PYCR2: variants seen among roughly 807,000 people sequenced by gnomAD.
PYCR2 encodes the protein P5C reductase 2.
Under a neutral mutation model 23.4 loss-of-function variants are expected in PYCR2, and 17 were observed. The observed-to-expected ratio is 0.73, with a 90% CI of 0.50 to 1.09. The LOEUF is 1.09. Ranked by LOEUF, PYCR2 falls within the 50% of genes least tolerant of loss-of-function variation. The pLI, the probability that PYCR2 is intolerant of heterozygous loss-of-function variation, is 0.00. For synonymous variants in PYCR2, 172 were observed against 176.6 expected, an observed-to-expected ratio of 0.97 and a Z score of 0.21; for missense variants, 380 against 423.5, an observed-to-expected ratio of 0.90 and a Z score of 0.90.
chr1:225,920,483 C>A lies in PYCR2; in HGVS notation c.935G>T (p.Ser312Ile). The A allele has an allele frequency of 6.8e-7, 1 of 1,477,980 alleles. No individual in the cohort carries two copies. Among genetic ancestry groups the A allele is most frequent in the Non-Finnish European group, 9.2e-7 (1 of 1,082,768 alleles). The allele number at this position is 1,477,980 out of a possible 1,614,324, so 91.6% of individuals were successfully genotyped here. Residue 312 changes from serine to isoleucine, a missense_variant, in exon 7 of 7, where the codon AGC becomes ATC. Ser to Ile is a moderately radical substitution (Grantham distance 142). Transcript: ENST00000343818. ...GTCCTTCTTGCCTCCCAGGGCCAGG[C>A]TTCTTGTGAGGAGCTTCCCTGGGCT... is the stretch of plus-strand genomic sequence containing the variant. ...PSSPGKLLTR[S>I]LALGGKKD is the part of the protein sequence containing the mutation.
At position 225,920,199 on chromosome 1, in the gene PYCR2, C is replaced by T. The variant is rs1204044212; in HGVS notation, c.*256G>A. 6 of 266,680 alleles carry T rather than the reference C, an allele frequency of 2.2e-5. No individual in the cohort carries two copies. Among genetic ancestry groups the T allele is most frequent in the African/African-American group, 4.5e-5 (2 of 44,808 alleles). The allele number at this position is 266,680 out of a possible 1,614,324, so 16.5% of individuals were successfully genotyped here. On this transcript the variant is annotated 3_prime_UTR_variant, in exon 7 of 7. Coordinates refer to ENST00000343818, the MANE Select transcript of PYCR2 (RefSeq NM_013328.4). ...CAGTCTCCACCAACTGAGCAGCGTA[C>T]GCAGGGTTGTGTCTGGCTTCCAGCA...
At chr1:225,923,383 C>A in intron 2 of PYCR2, 1 of 1,034,712 alleles carries the variant, frequency 9.7e-7, no homozygotes, top group Non-Finnish European at 1.2e-6. Context: ...CAGAGTAAGA[C>A]CCTGTCTGAA....
chr1:225,923,718 T>C lies in PYCR2; in HGVS notation c.121A>G (p.Thr41Ala), dbSNP rs1316113024. 3 of 1,614,132 alleles carry C rather than the reference T, an allele frequency of 1.9e-6. No homozygotes were observed. The highest frequency in any genetic ancestry group is 2.5e-6 in the Non-Finnish European group (3 of 1,179,994). The part of the protein sequence containing the change: ...IASSPEMNLP[T>A]VSALRKMGVN... ...CCACCTACCCTGAGCGCGGACACCG[T>C]GGGCAGGTTCATTTCTGGGGAGCTG... Residue 41 changes from threonine to alanine, a missense_variant, in exon 2 of 7, where the codon ACG becomes GCG. Thr to Ala is a moderately conservative substitution (Grantham distance 58). Transcript: ENST00000343818.
At chr1:225,920,866 CG>C (rs1267798569) in intron 6 of PYCR2, among the ~76,000 whole-genome samples, 3 of 152,126 alleles carry the variant, frequency 2.0e-5, no homozygotes, top group African/African-American at 7.2e-5. Flanking sequence ...TGTGATCACA[CG>C]GGAAGAGTGA....
chr1:225,922,397 C>G lies in PYCR2; in HGVS notation c.139-14G>C. The G allele has an allele frequency of 1.2e-6, 2 of 1,603,310 alleles. No homozygotes were observed. The highest frequency in any genetic ancestry group is 2.2e-5 in the South Asian group (2 of 90,720). Reference sequence around the variant, plus strand: ...CACACCCATCTTCTGCAAGAGGAGACTCCCAGCTCACAGTGCTGGAGCAGC... The same window carrying G: ...CACACCCATCTTCTGCAAGAGGAGAGTCCCAGCTCACAGTGCTGGAGCAGC... On this transcript the variant is annotated splice_polypyrimidine_tract_variant and intron_variant, in intron 2 of 6. Transcript: ENST00000343818.
intron 2 of PYCR2, 42 bp from the exon 3 acceptor site, chr1:225,922,425 G>A (rs764781253): frequency 1.3e-6 from 2 of 1,582,504 alleles, no homozygotes; most frequent in African/African-American, 2.7e-5. Context: ...GGAGCAGCCT[G>A]GCTATGCCAA....
chr1:225,921,183 A>T lies in PYCR2; in HGVS notation c.797+25T>A, dbSNP rs767189249. 1.1e-5 allele frequency: 17 copies of T among 1,602,088 alleles called. No individual in the cohort carries two copies. In the East Asian group the frequency reaches 3.6e-4, roughly 34 times the overall value. On this transcript the variant is annotated intron_variant, in intron 6 of 6. Coordinates refer to ENST00000343818, the MANE Select transcript of PYCR2 (RefSeq NM_013328.4). The surrounding 1 kb of genome is among the most constrained non-coding windows in gnomAD (Gnocchi z 4.2). ...ACCAACCAGGACTGAAGGGTCTGGG[A>T]CAGAAGTCCGCGGGATGGACTCACC...
intron 2 of PYCR2, 47 bp from the exon 3 acceptor site, chr1:225,922,430 T>C (rs752205505): frequency 1.9e-6 from 3 of 1,577,080 alleles, no homozygotes; most frequent in East Asian, 2.3e-5. Flanking sequence ...AGCCTGGCTA[T>C]GCCAAGGCCT....
chr1:225,923,984 G>A, intron 1 of PYCR2, 60 bp downstream of exon 1: 1 of 1,520,266 alleles, frequency 6.6e-7, no homozygotes, highest in Non-Finnish European at 8.8e-7. Context: ...CTGGTGGGAC[G>A]GAGGCCCCCT....
At chr1:225,923,354 T>C in intron 2 of PYCR2, 1 of 756,904 alleles carries the variant, frequency 1.3e-6, no homozygotes, top group Non-Finnish European at 1.7e-6. Flanking sequence ...ATCGCGCCAC[T>C]GCACTCCAGC....
chr1:225,922,829 T>C (rs1485120848), intron 2 of PYCR2: 1 of 257,004 alleles, frequency 3.9e-6, no homozygotes, highest in Non-Finnish European at 6.4e-6. Flanking sequence ...AAGCCATCCA[T>C]CCCTCTATGA....
At chr1:225,922,104 G>A (rs74150559) in intron 3 of PYCR2, 25 bp from the exon 4 acceptor site, 45 of 1,610,230 alleles carry the variant, frequency 2.8e-5, no homozygotes, top group Non-Finnish European at 3.7e-5. Context: ...AGAGCCGAAT[G>A]AGTGGCCAGG....
chr1:225,921,180 G>A lies in PYCR2; in HGVS notation c.797+28C>T. 1 of 1,599,296 alleles carries A rather than the reference G, an allele frequency of 6.3e-7. No individual in the cohort carries two copies. On this transcript the variant is annotated intron_variant, in intron 6 of 6. Transcript: ENST00000343818. The surrounding 1 kb of genome is among the most constrained non-coding windows in gnomAD (Gnocchi z 4.2). ...GGGACCAACCAGGACTGAAGGGTCT[G>A]GGACAGAAGTCCGCGGGATGGACTC... is the stretch of plus-strand genomic sequence containing the variant.
rs562190578 is a variant in PYCR2, at chr1:225,921,094, C to T, written c.797+114G>A. 123 of 1,145,648 alleles carry T rather than the reference C, an allele frequency of 1.1e-4. No individual in the cohort carries two copies. Among genetic ancestry groups the T allele is most frequent in the Middle Eastern group, 2.9e-4 (1 of 3,488 alleles). The allele number at this position is 1,145,648 out of a possible 1,614,324, so 71.0% of individuals were successfully genotyped here. Reference sequence around the variant, plus strand: ...TGTGGTTATTAACAGAGCACAGACTCCAACACTGCTAAATGGGACCCAAGA... The same window carrying T: ...TGTGGTTATTAACAGAGCACAGACTTCAACACTGCTAAATGGGACCCAAGA... On this transcript the variant is annotated intron_variant, in intron 6 of 6. Coordinates refer to ENST00000343818, the MANE Select transcript of PYCR2 (RefSeq NM_013328.4). The surrounding 1 kb of genome is among the most constrained non-coding windows in gnomAD (Gnocchi z 4.2).
intron 2 of PYCR2, 149 bp from the exon 3 acceptor site, chr1:225,922,532 C>T (rs772798975): frequency 4.1e-6 from 3 of 722,908 alleles, no homozygotes; most frequent in Non-Finnish European, 6.7e-6. Flanking sequence ...ACCCCTACCC[C>T]AAATAATACA....
At position 225,924,177 on chromosome 1, in the gene PYCR2, G is replaced by A. The variant is rs1172580567; in HGVS notation, c.-67C>T. 8.7e-6 allele frequency: 13 copies of A among 1,487,380 alleles called. No homozygotes were observed. The highest frequency in any genetic ancestry group is 1.2e-5 in the Non-Finnish European group (13 of 1,115,040). 92.1% of individuals were successfully genotyped at this position (1,487,380 alleles called of 1,614,324 possible). A position where few individuals can be genotyped will look rare whatever the true frequency, so the allele number is the denominator to read the frequency against. On this transcript the variant is annotated 5_prime_UTR_variant, in exon 1 of 7. Coordinates refer to ENST00000343818, the MANE Select transcript of PYCR2 (RefSeq NM_013328.4). ...CAGCGAGGGACCGGAAGTAACGCTAGGGGAAGGGCGGACAGCGCAGGGGCG... is the reference window on the plus strand; with the variant it reads ...CAGCGAGGGACCGGAAGTAACGCTAAGGGAAGGGCGGACAGCGCAGGGGCG...
chr1:225,921,085 G>A lies in PYCR2; in HGVS notation c.797+123C>T. ...CTACTAAGTTGTGGTTATTAACAGAGCACAGACTCCAACACTGCTAAATGG... is the reference window on the plus strand; with the variant it reads ...CTACTAAGTTGTGGTTATTAACAGAACACAGACTCCAACACTGCTAAATGG... On this transcript the variant is annotated intron_variant, in intron 6 of 6. Transcript: ENST00000343818. The surrounding 1 kb of genome is among the most constrained non-coding windows in gnomAD (Gnocchi z 4.2). The A allele has an allele frequency of 1.9e-6, 2 of 1,042,886 alleles. No homozygotes were observed. Among genetic ancestry groups the A allele is most frequent in the Non-Finnish European group, 2.8e-6 (2 of 711,310 alleles). The allele number at this position is 1,042,886 out of a possible 1,614,324, so 64.6% of individuals were successfully genotyped here.
In PYCR2 at chr1:225,924,205, C is replaced by A; in HGVS notation, c.-95G>T. ...GAAGGGCGGACAGCGCAGGGGCGAA[C>A]GGGCGGCGTGCCGAGGACCGGCGAG... On this transcript the variant is annotated 5_prime_UTR_variant, in exon 1 of 7. Transcript: ENST00000343818. 2.2e-6 allele frequency: 3 copies of A among 1,374,876 alleles called. No homozygotes were observed. Among genetic ancestry groups the A allele is most frequent in the African/African-American group, 1.5e-5 (1 of 68,104 alleles). 85.2% of individuals were successfully genotyped at this position (1,374,876 alleles called of 1,614,324 possible).
In PYCR2 at chr1:225,924,065, C is replaced by A; in HGVS notation, c.46G>T (p.Ala16Ser). Reference sequence around the variant, plus strand: ...TTGCCTGCGGCCGTGAAGCCCCGCGCCAGAGCATAGGCCAGCTGGCCGGCC... The same window carrying A: ...TTGCCTGCGGCCGTGAAGCCCCGCGACAGAGCATAGGCCAGCTGGCCGGCC... ...IGAGQLAYAL[A>S]RGFTAAGILS... is the part of the protein sequence containing the mutation. Residue 16 changes from alanine to serine, a missense_variant, in exon 1 of 7, where the codon GCG becomes TCG. By Grantham distance (99) the Ala-to-Ser change is moderately conservative. Transcript: ENST00000343818. 1.3e-6 allele frequency: 2 copies of A among 1,543,924 alleles called. No individual in the cohort carries two copies. Among genetic ancestry groups the A allele is most frequent in the Non-Finnish European group, 8.7e-7 (1 of 1,147,432 alleles).
Sources: gnomAD v4.1 joint callset for allele counts (sites outside exome capture counted in the v4.1 genomes callset) on GRCh38, gnomAD v4.1.1 for gene constraint, Gnocchi (gnomAD v3.1) non-coding constraint, MANE v1.5 for transcripts, NCBI Gene and HGNC (gene_info 2026-07-23, HGNC 2026-07-21) for gene names.